Variants in PRDM15 observed in about 807,000 individuals in gnomAD.
PRDM15 encodes the protein PR/SET domain 15, also known as PR domain zinc finger protein 15.
A neutral mutation model predicts 128.6 loss-of-function variants in PRDM15; 64 were observed. That is an observed-to-expected ratio of 0.50 (90% CI 0.41 to 0.61). The LOEUF (loss-of-function observed/expected upper bound fraction) is 0.61, where lower values mean the gene tolerates loss of function less well. Among genes scored for constraint, PRDM15 ranks in the 20% least tolerant of loss-of-function variants. The pLI is 0.00. For synonymous variants in PRDM15, 615 were observed against 621.8 expected, an observed-to-expected ratio of 0.99 and a Z score of 0.16; for missense variants, 1,242 against 1,569.1, an observed-to-expected ratio of 0.79 and a Z score of 3.52.
chr21:41,801,140 C>A lies in PRDM15; in HGVS notation c.*100G>T. 1 of 1,455,460 alleles carries A rather than the reference C, an allele frequency of 6.9e-7. No homozygotes were observed. Among genetic ancestry groups the A allele is most frequent in the South Asian group, 1.4e-5 (1 of 71,384 alleles). The allele number at this position is 1,455,460 out of a possible 1,614,324, so 90.2% of individuals were successfully genotyped here. On this transcript the variant is annotated 3_prime_UTR_variant, in exon 24 of 24. Transcript: ENST00000398548. ...GCAAAGCTAAGTCAACCTTACATTGCAATGTATGACTTTTTGTTTGTTTGG... is the reference window on the plus strand; with the variant it reads ...GCAAAGCTAAGTCAACCTTACATTGAAATGTATGACTTTTTGTTTGTTTGG...
Position 41,859,362 on chromosome 21 carries a change from A to C in PRDM15, c.131+230T>G. On this transcript the variant is annotated intron_variant, in intron 3 of 23. Coordinates refer to ENST00000398548, the MANE Select transcript of PRDM15 (RefSeq NM_001040424.3). The surrounding 1 kb of genome is among the most constrained non-coding windows in gnomAD (Gnocchi z 5.3). ...CGGGAACAGCTGGGCTCCAGCTAAG[A>C]ACCCTGGAGTGGATCAAAGAAACTC... 1.2e-6 allele frequency: 1 copy of C among 856,124 alleles called. No individual in the cohort carries two copies. The highest frequency in any genetic ancestry group is 1.8e-6 in the Non-Finnish European group (1 of 548,254). The allele number at this position is 856,124 out of a possible 1,614,324, so 53.0% of individuals were successfully genotyped here. A position where few individuals can be genotyped will look rare whatever the true frequency, so the allele number is the denominator to read the frequency against.
rs775676234 is a variant in PRDM15 at position 41,878,739 on chromosome 21, C to A, written c.-10+531G>T. On this transcript the variant is annotated intron_variant, in intron 1 of 23. Coordinates refer to ENST00000398548, the MANE Select transcript of PRDM15 (RefSeq NM_001040424.3). ...ACGCGGGGTTGGGGGTCCAGGGACC[C>A]CCCCGTGCGACCCGCATGGGCTGTA... 8 of 1,568,826 alleles carry A rather than the reference C, an allele frequency of 5.1e-6. No homozygotes were observed. In the African/African-American group the frequency reaches 8.4e-5, roughly 16 times the overall value.
At chr21:41,860,804 G>A (rs57742874) in intron 1 of PRDM15, among the ~76,000 whole-genome samples, 45,755 of 152,000 alleles carry the variant, frequency 0.3, 7,129 homozygotes, top group South Asian at 0.32. Context: ...GTTCTAAAGA[G>A]AGCACACAGT....
At chr21:41,829,970 C>T (rs1425751822) in intron 11 of PRDM15, among the ~76,000 whole-genome samples, 1 of 150,762 alleles carries the variant, frequency 6.6e-6, no homozygotes, top group Non-Finnish European at 1.5e-5. Flanking sequence ...AGTCAACACA[C>T]ACCACATAAA....
At chr21:41,867,348 T>TC in intron 1 of PRDM15, 1 of 1,613,506 alleles carries the variant, frequency 6.2e-7, no homozygotes, top group Non-Finnish European at 8.5e-7. Context: ...TTTTCCTGGT[T>TC]CCCCCAGGAA....
intron 12 of PRDM15, among the ~76,000 whole-genome samples, chr21:41,827,050 A>G (rs1168946061): frequency 6.6e-6 from 1 of 152,178 alleles, no homozygotes; most frequent in Non-Finnish European, 1.5e-5. Flanking sequence ...CATCACAGCA[A>G]TGCTAGGGAT....
Position 41,800,958 on chromosome 21 carries a change from A to C in PRDM15, c.*282T>G. 1 of 364,378 alleles carries C rather than the reference A, an allele frequency of 2.7e-6. No individual in the cohort carries two copies. Among genetic ancestry groups the C allele is most frequent in the Non-Finnish European group, 4.9e-6 (1 of 204,390 alleles). 22.6% of individuals were successfully genotyped at this position (364,378 alleles called of 1,614,324 possible). A position where few individuals can be genotyped will look rare whatever the true frequency, so the allele number is the denominator to read the frequency against. On this transcript the variant is annotated 3_prime_UTR_variant, in exon 24 of 24. Coordinates refer to ENST00000398548, the MANE Select transcript of PRDM15 (RefSeq NM_001040424.3). ...TGTGTCGGGCGAACACTGGTTCTGT[A>C]AGGGGAGGCAGATGCGGCCCCGGCC...
intron 5 of PRDM15, among the ~76,000 whole-genome samples, chr21:41,850,309 C>T (rs1336731607): frequency 6.9e-6 from 1 of 145,444 alleles, no homozygotes; most frequent in Non-Finnish European, 1.5e-5. Context: ...CCTGGTGCCC[C>T]CCCAACACTC....
rs1568879740 is a variant in PRDM15, at chr21:41,806,018, TCAC to T, written c.2653-1407_2653-1405del. Among the ~76,000 whole-genome samples, 112 of 26,678 alleles carry T rather than the reference TCAC, an allele frequency of 4.2e-3. 1 individual carries two copies. The highest frequency in any genetic ancestry group is 0.016 in the African/African-American group (74 of 4,690). The allele number at this position is 26,678 out of a possible 152,430, so 17.5% of individuals were successfully genotyped here. A position where few individuals can be genotyped will look rare whatever the true frequency, so the allele number is the denominator to read the frequency against. ...ACCACCACCACCATCACCACCACCA[TCAC>T]CACCACCACCATCACCACCACCATC... is the stretch of plus-strand genomic sequence containing the variant. On this transcript the variant is annotated intron_variant, in intron 21 of 23. Transcript: ENST00000398548.
chr21:41,873,533 T>C (rs1487019742), intron 1 of PRDM15, among the ~76,000 whole-genome samples: 4 of 152,254 alleles, frequency 2.6e-5, no homozygotes, highest in African/African-American at 9.6e-5. Context: ...TTGTTATAGC[T>C]CCCGTGACCT....
rs114409160 is a variant in PRDM15 at position 41,869,464 on chromosome 21, A to G, written c.-9-9092T>C. Among the ~76,000 whole-genome samples, 266 of 139,824 alleles carry G rather than the reference A, an allele frequency of 1.9e-3. 2 individuals are homozygous for G. Among genetic ancestry groups the G allele is most frequent in the African/African-American group, 6.5e-3 (243 of 37,374 alleles). The allele number at this position is 139,824 out of a possible 152,430, so 91.7% of individuals were successfully genotyped here. A position where few individuals can be genotyped will look rare whatever the true frequency, so the allele number is the denominator to read the frequency against. On this transcript the variant is annotated intron_variant, in intron 1 of 23. Coordinates refer to ENST00000398548, the MANE Select transcript of PRDM15 (RefSeq NM_001040424.3). ...ATTTTTTTTTTTTTTTTTTTGAGAC[A>G]TGGTGGAGTTTCACTGTTATTGCCC...
chr21:41,842,554 G>A (rs1041479143), intron 6 of PRDM15, among the ~76,000 whole-genome samples: 5 of 151,856 alleles, frequency 3.3e-5, no homozygotes, highest in African/African-American at 9.7e-5. Flanking sequence ...TGCAGTGTGC[G>A]ATCTCGGCTC....
chr21:41,869,464 A>C (rs114409160), intron 1 of PRDM15, among the ~76,000 whole-genome samples: 1 of 139,760 alleles, frequency 7.2e-6, no homozygotes. Context: ...TTTTTGAGAC[A>C]TGGTGGAGTT....
chr21:41,872,899 T>C (rs1423887627), intron 1 of PRDM15, among the ~76,000 whole-genome samples: 1 of 152,240 alleles, frequency 6.6e-6, no homozygotes, highest in Non-Finnish European at 1.5e-5. Flanking sequence ...TTCACGTGCA[T>C]GTGGCTTGTT....
chr21:41,823,149 G>A, intron 14 of PRDM15, 169 bp downstream of exon 14: 1 of 862,924 alleles, frequency 1.2e-6, no homozygotes, highest in Non-Finnish European at 1.9e-6. Flanking sequence ...AGCCTCGCCA[G>A]ACACCGAATC....
chr21:41,815,983 C>T (rs912576037), intron 18 of PRDM15, 147 bp from the exon 19 acceptor site: 1 of 999,270 alleles, frequency 1.0e-6, no homozygotes, highest in Non-Finnish European at 1.4e-6. Flanking sequence ...CCGGTCAGTC[C>T]ACCAGCGGTG....
intron 22 of PRDM15, among the ~76,000 whole-genome samples, chr21:41,803,333 T>C (rs906561340): frequency 6.6e-6 from 1 of 152,184 alleles, no homozygotes; most frequent in Admixed American, 6.5e-5. Flanking sequence ...AAAAACAATT[T>C]TGAATTAAAA....
chr21:41,855,402 A>G (rs775668275), intron 4 of PRDM15, among the ~76,000 whole-genome samples: 7 of 152,188 alleles, frequency 4.6e-5, no homozygotes, highest in South Asian at 2.1e-4. Flanking sequence ...TGAAGTTCAA[A>G]TCAACCACAT....
chr21:41,840,612 C>A (rs2063046251), intron 6 of PRDM15, among the ~76,000 whole-genome samples: 1 of 151,768 alleles, frequency 6.6e-6, no homozygotes, highest in South Asian at 2.1e-4. Context: ...AAAACAACAA[C>A]AACAAAAGCA....
Sources: gnomAD v4.1 joint callset for allele counts (sites outside exome capture counted in the v4.1 genomes callset) on GRCh38, gnomAD v4.1.1 for gene constraint, Gnocchi (gnomAD v3.1) non-coding constraint, MANE v1.5 for transcripts, NCBI Gene and HGNC (gene_info 2026-07-23, HGNC 2026-07-21) for gene names.